The following PRICKLE3 variants were observed in gnomAD, a reference collection of about 807,000 sequenced individuals.
PRICKLE3 encodes the protein LIM domain only protein 6.
Under a neutral mutation model 33.8 loss-of-function variants are expected in PRICKLE3, and 17 were observed. That is an observed-to-expected ratio of 0.50 (90% CI 0.34 to 0.75). The LOEUF is 0.75. PRICKLE3 is among the 30% of genes least tolerant of loss of function. The probability of loss-of-function intolerance (pLI) is 0.01; values close to 1 mark genes in which losing one functional copy is unlikely to be tolerated. For missense variants in PRICKLE3, 573 were observed against 576.7 expected (o/e 0.99, Z 0.07); for synonymous variants, 211 against 219.6 (o/e 0.96, Z 0.34).
Position 49,179,717 on chromosome X carries a change from G to A in PRICKLE3, c.402C>T (p.His134=), listed in dbSNP as rs928414848. Residue 134 remains histidine (H), a synonymous_variant, in exon 4 of 9, where the codon CAC becomes CAT. Coordinates refer to ENST00000599218, the MANE Select transcript of PRICKLE3 (RefSeq NM_006150.5). ...CCTCACTGTCGTGTGGGGGCAGCTG[G>A]TGCAGCAGCTGCTTGATCCTGTATT... ...GEKYRIKQLL[H]QLPPHDSEAQ... The A allele has an allele frequency of 2.5e-6, 3 of 1,184,781 alleles. No individual in the cohort carries two copies. Among genetic ancestry groups the A allele is most frequent in the African/African-American group, 3.5e-5 (2 of 56,498 alleles).
chrX:49,181,952 T>A (rs1432426095), intron 3 of PRICKLE3, among the ~76,000 whole-genome samples: 1 of 102,687 alleles, frequency 9.7e-6, no homozygotes. Flanking sequence ...CCCAGCCTAT[T>A]TTTTTTTTTT....
At chrX:49,185,034 C>T (rs1557101724) in intron 1 of PRICKLE3, 1 of 484,641 alleles carries the variant, frequency 2.1e-6, no homozygotes, top group African/African-American at 2.5e-5. Flanking sequence ...GGCTCAAGCA[C>T]CTCCCCTATA....
chrX:49,178,668 A>T (rs919681731), intron 5 of PRICKLE3, among the ~76,000 whole-genome samples, 193 bp from the exon 6 acceptor site: 1 of 111,838 alleles, frequency 8.9e-6, no homozygotes, highest in South Asian at 3.7e-4. Context: ...TTAGAGACTG[A>T]CCCTGCTCAT....
rs1451349737 is a variant in PRICKLE3, at chrX:49,178,374, C to A, written c.666G>T (p.Gln222His). Residue 222 changes from glutamine to histidine, a missense_variant, in exon 6 of 9, where the codon CAG (glutamine) becomes CAT (histidine). Transcript: ENST00000599218. ...AGTAGATGAGGTCAACCAGCAGTTC[C>A]TGGCACGTGGTACACACGAAGCACT... is the stretch of plus-strand genomic sequence containing the variant. ...HPQCFVCTTC[Q>H]ELLVDLIYFY... The A allele has an allele frequency of 8.3e-7, 1 of 1,210,104 alleles. No individual in the cohort carries two copies. The highest frequency in any genetic ancestry group is 1.1e-6 in the Non-Finnish European group (1 of 894,848).
intron 3 of PRICKLE3, among the ~76,000 whole-genome samples, chrX:49,183,047 C>A (rs1480465550): frequency 9.0e-6 from 1 of 111,674 alleles, no homozygotes; most frequent in Admixed American, 9.4e-5. Context: ...TGGTCTCAAA[C>A]TCCTGACCTC....
rs1057352817 is a variant in PRICKLE3 at position 49,181,321 on chromosome X, T to G, written c.313-1515A>C. Among the ~76,000 whole-genome samples, 9 of 102,243 alleles carry G rather than the reference T, an allele frequency of 8.8e-5. No homozygotes were observed. In the East Asian group the frequency reaches 2.8e-3, roughly 32 times the overall value. 88.8% of individuals were successfully genotyped at this position (102,243 alleles called of 115,157 possible). On this transcript the variant is annotated intron_variant, in intron 3 of 8. Transcript: ENST00000599218. ...AAGTTGAGGCTGCAGTGAGCTGTGA[T>G]TGAGCCACTGCACTCAAACCTGGGA...
Position 49,177,073 on chromosome X carries a change from C to G in PRICKLE3, c.1085G>C (p.Cys362Ser), listed in dbSNP as rs1602597925. The change falls in exon 8 of 9, where the codon TGC (cysteine) becomes TCC (serine). Residue 362 changes from cysteine (C) to serine (S), a missense_variant. Transcript: ENST00000599218. ...GGACCCAAGGCTGCAGGCTCGAGAG[C>G]AGAAGATTAGGCCTCGGCGTGGCAG... ...PFLPRRGLIF[C>S]SRACSLGSEP... 1 of 1,206,778 alleles carries G rather than the reference C, an allele frequency of 8.3e-7. No homozygotes were observed. Among genetic ancestry groups the G allele is most frequent in the Non-Finnish European group, 1.1e-6 (1 of 893,064 alleles).
In PRICKLE3 at chrX:49,174,938, A is replaced by ACC; in HGVS notation, c.*733_*734dup. The ACC allele has an allele frequency of 2.3e-6, 1 of 444,046 alleles. No homozygotes were observed. Among genetic ancestry groups the ACC allele is most frequent in the Non-Finnish European group, 4.0e-6 (1 of 251,164 alleles). 36.6% of individuals were successfully genotyped at this position (444,046 alleles called of 1,213,427 possible). A position where few individuals can be genotyped will look rare whatever the true frequency, so the allele number is the denominator to read the frequency against. On this transcript the variant is annotated 3_prime_UTR_variant, in exon 9 of 9. Coordinates refer to ENST00000599218, the MANE Select transcript of PRICKLE3 (RefSeq NM_006150.5). ...AATAGGAGACACCAGTTCTGACTGA[A>ACC]CCATGCCCCCACCTAAGTCACAAAA...
chrX:49,186,182 A>G, intron 1 of PRICKLE3, 74 bp downstream of exon 1: 1 of 1,066,638 alleles, frequency 9.4e-7, no homozygotes, highest in Non-Finnish European at 1.3e-6. Flanking sequence ...CCTATTCGCT[A>G]TGCCTATCCA....
intron 3 of PRICKLE3, among the ~76,000 whole-genome samples, chrX:49,181,388 G>GTATATATATATATATATATATA (rs1166288227): frequency 1.2e-5 from 1 of 82,591 alleles, no homozygotes; most frequent in African/African-American, 5.0e-5. Context: ...ATGTGTGTGT[G>GTATATATATATATATATATATA]TATATATATA....
At position 49,178,143 on chromosome X, in the gene PRICKLE3, G is replaced by A. The variant is rs782286061; in HGVS notation, c.805C>T (p.Arg269Cys). The A allele has an allele frequency of 6.5e-5, 77 of 1,180,723 alleles. No individual in the cohort carries two copies. Among genetic ancestry groups the A allele is most frequent in the Middle Eastern group, 2.4e-4 (1 of 4,224 alleles). The change falls in exon 7 of 9, where the codon CGC (arginine) becomes TGC (cysteine). Residue 269 changes from arginine to cysteine, a missense_variant. By Grantham distance (180) the Arg-to-Cys change is radical. Coordinates refer to ENST00000599218, the MANE Select transcript of PRICKLE3 (RefSeq NM_006150.5). Reference protein sequence around the residue: ...FSPECTEAEGRHWHMDHFCCF... With the variant: ...FSPECTEAEGCHWHMDHFCCF... ...CAGAAGTGATCCATGTGCCAGTGGC[G>A]GCCCTCAGCCTCCGTGCACTCAGGG...
Position 49,179,326 on chromosome X carries a change from C to T in PRICKLE3, c.489G>A (p.Gln163=). The T allele has an allele frequency of 8.3e-7, 1 of 1,211,605 alleles. No individual in the cohort carries two copies. The change falls in exon 5 of 9, where the codon CAG becomes CAA. Residue 163 remains glutamine, a synonymous_variant. Coordinates refer to ENST00000599218, the MANE Select transcript of PRICKLE3 (RefSeq NM_006150.5). ...EKKELRAFSQ[Q]RKRENLGRGI... is the part of the protein sequence containing the mutation. The stretch of plus-strand genomic sequence containing the variant: ...CACGCCCCAGATTCTCCCGCTTCCG[C>T]TGCTGGCTAAAGGCTCGGAGCTCTT...
chrX:49,186,232 A>T (rs782416630), intron 1 of PRICKLE3, 24 bp downstream of exon 1: 16 of 1,152,870 alleles, frequency 1.4e-5, no homozygotes, highest in Non-Finnish European at 1.6e-5. Flanking sequence ...CCCGACCCCC[A>T]CCGCTGCCCT....
At chrX:49,176,712 G>A (rs782266045) in intron 8 of PRICKLE3, among the ~76,000 whole-genome samples, 191 bp downstream of exon 8, 2 of 108,720 alleles carry the variant, frequency 1.8e-5, no homozygotes, top group Admixed American at 2.0e-4. Context: ...CATGAGGCGG[G>A]TGTAGTTTGG....
chrX:49,180,323 C>T (rs781912681), intron 3 of PRICKLE3, among the ~76,000 whole-genome samples: 16 of 111,140 alleles, frequency 1.4e-4, no homozygotes, highest in African/African-American at 4.9e-4. Flanking sequence ...TGAGCCACCG[C>T]GCCCAGTCTA....
Position 49,176,166 on chromosome X carries a change from T to C in PRICKLE3, c.1355A>G (p.Glu452Gly). 1 of 1,192,447 alleles carries C rather than the reference T, an allele frequency of 8.4e-7. No homozygotes were observed. The highest frequency in any genetic ancestry group is 1.1e-6 in the Non-Finnish European group (1 of 885,678). ...GCGCAGGTTAGGCTGGCCGGGGGAC[T>C]CTGGGGGCGGCTCGGGGACACTGCG... ...GLRSVPEPPPESPGQPNLRPD... is the reference protein window; with the variant it reads ...GLRSVPEPPPGSPGQPNLRPD... Residue 452 changes from glutamate (E) to glycine (G), a missense_variant, in exon 9 of 9, where the codon GAG becomes GGG. Physicochemically the swap from Glu to Gly is moderately conservative, Grantham distance 98 (BLOSUM62 -2). Transcript: ENST00000599218.
chrX:49,182,048 G>T (rs2065459566), intron 3 of PRICKLE3, among the ~76,000 whole-genome samples: 1 of 109,241 alleles, frequency 9.2e-6, no homozygotes, highest in Non-Finnish European at 1.9e-5. Context: ...CTGGGTTCAA[G>T]GAATTCTTGT....
At position 49,174,975 on chromosome X, in the gene PRICKLE3, G is replaced by T; in HGVS notation, c.*698C>A. 2.3e-6 allele frequency: 1 copy of T among 432,775 alleles called. No homozygotes were observed. Among genetic ancestry groups the T allele is most frequent in the South Asian group, 3.5e-5 (1 of 28,915 alleles). 35.7% of individuals were successfully genotyped at this position (432,775 alleles called of 1,213,427 possible). A position where few individuals can be genotyped will look rare whatever the true frequency, so the allele number is the denominator to read the frequency against. On this transcript the variant is annotated 3_prime_UTR_variant, in exon 9 of 9. Coordinates refer to ENST00000599218, the MANE Select transcript of PRICKLE3 (RefSeq NM_006150.5). The stretch of plus-strand genomic sequence containing the variant: ...CCTAAGTCACAAAATGAGGGAAGTG[G>T]GGAGTTAGATTTCAGAGTCCAGGCC...
intron 1 of PRICKLE3, 121 bp downstream of exon 1, chrX:49,186,135 A>C: frequency 1.2e-6 from 1 of 858,614 alleles, no homozygotes; most frequent in Non-Finnish European, 1.6e-6. Flanking sequence ...AGGTCTGGGA[A>C]TGCAGGGGAT....
Sources: allele counts gnomAD v4.1 joint callset (sites outside exome capture counted in the v4.1 genomes callset), GRCh38; gene constraint gnomAD v4.1.1; transcripts MANE v1.5; gene names NCBI Gene and HGNC (gene_info 2026-07-23, HGNC 2026-07-21).